The following RIMS1 variants were observed in gnomAD, a reference collection of about 807,000 sequenced individuals.
RIMS1 encodes regulating synaptic membrane exocytosis 1, also known as regulating synaptic membrane exocytosis protein 1.
A neutral mutation model predicts 214.1 loss-of-function variants in RIMS1; 83 were observed. The observed-to-expected ratio is 0.39, with a 90% confidence interval of 0.32 to 0.47. RIMS1 has a LOEUF of 0.47. Among genes scored for constraint, RIMS1 ranks in the 20% least tolerant of loss-of-function variants. The pLI, the probability that RIMS1 is intolerant of heterozygous loss-of-function variation, is 0.99. For synonymous variants in RIMS1, 793 were observed against 786.8 expected, an observed-to-expected ratio of 1.01 and a Z score of -0.13; for missense variants, 2,050 against 2,161.8, an observed-to-expected ratio of 0.95 and a Z score of 1.03.
chr6:72,089,699 G>A (rs1490864446), intron 2 of RIMS1, among the ~76,000 whole-genome samples: 1 of 150,924 alleles, frequency 6.6e-6, no homozygotes, highest in African/African-American at 2.4e-5. Context: ...AAATCATGCT[G>A]CTATAAAGAC....
chr6:72,005,316 C>A (rs1807063586), intron 2 of RIMS1, among the ~76,000 whole-genome samples: 2 of 152,172 alleles, frequency 1.3e-5, no homozygotes, highest in Admixed American at 1.3e-4. Flanking sequence ...ATGCCTCCAG[C>A]TTTGTTCTTT....
At chr6:71,889,179 C>T (rs1268580612) in intron 1 of RIMS1, among the ~76,000 whole-genome samples, 3 of 152,134 alleles carry the variant, frequency 2.0e-5, no homozygotes, top group Non-Finnish European at 4.4e-5. Flanking sequence ...GGGGAAGGCA[C>T]GGTGCAAGTA....
chr6:72,299,703 A>C (rs2094437661), intron 26 of RIMS1, among the ~76,000 whole-genome samples: 1 of 151,848 alleles, frequency 6.6e-6, no homozygotes, highest in South Asian at 2.1e-4. Flanking sequence ...AAAAACATTA[A>C]TTTTAGCATT....
At chr6:72,247,785 A>C (rs1432138188) in intron 11 of RIMS1, among the ~76,000 whole-genome samples, 1 of 152,134 alleles carries the variant, frequency 6.6e-6, no homozygotes, top group Non-Finnish European at 1.5e-5. Flanking sequence ...AATACCATGC[A>C]CTCCAGAAAT....
chr6:72,050,581 T>C (rs563888031), intron 2 of RIMS1, among the ~76,000 whole-genome samples: 4 of 152,252 alleles, frequency 2.6e-5, no homozygotes, highest in Non-Finnish European at 5.9e-5. Flanking sequence ...TCTTCTCTCC[T>C]CAGATACTTG....
At chr6:72,157,724 G>A (rs531845008) in intron 4 of RIMS1, among the ~76,000 whole-genome samples, 1 of 140,476 alleles carries the variant, frequency 7.1e-6, no homozygotes, top group Admixed American at 7.3e-5. Flanking sequence ...ACAGTCCATT[G>A]TGATGATTGT....
At chr6:72,285,670 A>C (rs1317554498) in intron 24 of RIMS1, among the ~76,000 whole-genome samples, 1 of 152,188 alleles carries the variant, frequency 6.6e-6, no homozygotes, top group Non-Finnish European at 1.5e-5. Flanking sequence ...CGATAGATAG[A>C]TAGCCTTTGA....
chr6:72,397,958 T>G (rs564373691), intron 31 of RIMS1, among the ~76,000 whole-genome samples: 1 of 152,264 alleles, frequency 6.6e-6, no homozygotes, highest in South Asian at 2.1e-4. Context: ...GTAAGAAATC[T>G]TATTAAGTAC....
chr6:72,058,113 T>G (rs1241196069), intron 2 of RIMS1, among the ~76,000 whole-genome samples: 1 of 152,236 alleles, frequency 6.6e-6, no homozygotes, highest in East Asian at 1.9e-4. Flanking sequence ...GGAAACCAGC[T>G]GGTCCTCTTA....
chr6:71,886,896 C>T lies in RIMS1; in HGVS notation c.-128C>T, dbSNP rs1562118077. Reference sequence around the variant, plus strand: ...CTGCTGCTGCTGCTGCCGCCGCCGCCGCTGCTCCTCCTCCTGCCGCCGCCG... The same window carrying T: ...CTGCTGCTGCTGCTGCCGCCGCCGCTGCTGCTCCTCCTCCTGCCGCCGCCG... On this transcript the variant is annotated 5_prime_UTR_variant, in exon 1 of 34. Coordinates refer to ENST00000521978, the MANE Select transcript of RIMS1 (RefSeq NM_014989.7). The T allele has an allele frequency of 4.6e-5, 47 of 1,024,096 alleles. No homozygotes were observed. The highest frequency in any genetic ancestry group is 5.0e-5 in the Non-Finnish European group (35 of 698,420). The allele number at this position is 1,024,096 out of a possible 1,614,324, so 63.4% of individuals were successfully genotyped here.
At chr6:72,047,810 CTT>C in intron 2 of RIMS1, among the ~76,000 whole-genome samples, 1 of 152,264 alleles carries the variant, frequency 6.6e-6, no homozygotes, top group Non-Finnish European at 1.5e-5. Flanking sequence ...ATTCTATTCT[CTT>C]TGTGTGGTTT....
At chr6:71,970,344 C>G (rs962472315) in intron 2 of RIMS1, among the ~76,000 whole-genome samples, 2 of 152,192 alleles carry the variant, frequency 1.3e-5, no homozygotes, top group East Asian at 3.9e-4. Context: ...TCATAGAAAA[C>G]TTACATCCCC....
At chr6:72,238,397 T>G (rs2065198580) in intron 9 of RIMS1, among the ~76,000 whole-genome samples, 2 of 152,092 alleles carry the variant, frequency 1.3e-5, no homozygotes, top group South Asian at 4.1e-4. Context: ...AGCATAATCA[T>G]AATCACATTT....
chr6:72,086,284 A>G (rs1325720086), intron 2 of RIMS1, among the ~76,000 whole-genome samples: 1 of 152,184 alleles, frequency 6.6e-6, no homozygotes. Flanking sequence ...CATATCTAGA[A>G]TAGCATATTA....
chr6:71,947,200 G>A (rs1193468434), intron 1 of RIMS1, among the ~76,000 whole-genome samples: 1 of 151,808 alleles, frequency 6.6e-6, no homozygotes, highest in East Asian at 1.9e-4. Context: ...GCCACTATTG[G>A]ATATATATAT....
At chr6:72,292,350 A>C (rs1361980271) in intron 26 of RIMS1, among the ~76,000 whole-genome samples, 6 of 152,166 alleles carry the variant, frequency 3.9e-5, no homozygotes, top group Non-Finnish European at 8.8e-5. Flanking sequence ...TAAAAATCTC[A>C]TTGCAATATG....
chr6:72,236,348 A>G (rs576569970), intron 8 of RIMS1, among the ~76,000 whole-genome samples: 3 of 152,316 alleles, frequency 2.0e-5, no homozygotes, highest in Non-Finnish European at 2.9e-5. Flanking sequence ...CATTTAGGCT[A>G]TTAAGCTTTG....
intron 2 of RIMS1, among the ~76,000 whole-genome samples, chr6:72,078,761 T>C (rs1344181623): frequency 6.6e-6 from 1 of 152,110 alleles, no homozygotes; most frequent in Non-Finnish European, 1.5e-5. Flanking sequence ...ATGCCTACTT[T>C]CCATATCTAA....
chr6:72,011,418 A>G (rs571520300), intron 2 of RIMS1, among the ~76,000 whole-genome samples: 61 of 152,308 alleles, frequency 4.0e-4, no homozygotes, highest in Non-Finnish European at 7.9e-4. Context: ...CATAGGCATG[A>G]GCAAGGACAT....
Sources: allele counts gnomAD v4.1 joint callset (sites outside exome capture counted in the v4.1 genomes callset), GRCh38; gene constraint gnomAD v4.1.1; transcripts MANE v1.5; gene names NCBI Gene and HGNC (gene_info 2026-07-23, HGNC 2026-07-21).